SNX18: variants seen among roughly 807,000 people sequenced by gnomAD.
SNX18 encodes sorting nexin 18.
SNX18 carries 35 observed loss-of-function variants against 48.7 expected under a neutral mutation model. That is an observed-to-expected ratio of 0.72 (90% CI 0.55 to 0.95). The LOEUF (loss-of-function observed/expected upper bound fraction) is 0.95. Among genes scored for constraint, SNX18 ranks in the 40% least tolerant of loss-of-function variants. SNX18 has a pLI of 0.00. For missense variants in SNX18, 824 were observed against 871.0 expected (o/e 0.95, Z 0.68); for synonymous variants, 492 against 384.7 (o/e 1.28, Z -3.26).
At chr5:54,550,629 G>C (rs1319365611), downstream of SNX18, among the ~76,000 whole-genome samples, 1 of 152,168 alleles carries the variant, frequency 6.6e-6, no homozygotes, top group Non-Finnish European at 1.5e-5. Flanking sequence ...TGTCGCCCAG[G>C]CTGGAGTGCA....
chr5:54,589,162 G>A, the SNX18 span, among the ~76,000 whole-genome samples: 10,469 of 152,066 alleles, frequency 0.069, 461 homozygotes, highest in Middle Eastern at 0.13. Context: ...CCTGCCCTGC[G>A]GTCACCTTCT....
At chr5:54,637,470 T>C in the SNX18 span, among the ~76,000 whole-genome samples, 1 of 152,074 alleles carries the variant, frequency 6.6e-6, no homozygotes, top group South Asian at 2.1e-4. Flanking sequence ...TAATATAGAT[T>C]TTGCCAGCTG....
At chr5:54,578,306 G>T in the SNX18 span, among the ~76,000 whole-genome samples, 3,433 of 152,284 alleles carry the variant, frequency 0.023, 57 homozygotes, top group Non-Finnish European at 0.034. Flanking sequence ...CTAAACAAAG[G>T]CATTCTCCCT....
At chr5:54,575,492 C>T in the SNX18 span, among the ~76,000 whole-genome samples, 1 of 151,308 alleles carries the variant, frequency 6.6e-6, no homozygotes, top group Non-Finnish European at 1.5e-5. Flanking sequence ...CTGCCTCAGC[C>T]TCCCGAGTAG....
chr5:54,557,581 G>C, the SNX18 span, among the ~76,000 whole-genome samples: 4 of 152,292 alleles, frequency 2.6e-5, no homozygotes, highest in African/African-American at 7.2e-5. Flanking sequence ...CAAATTCATA[G>C]AGACAGAAAA....
the SNX18 span, among the ~76,000 whole-genome samples, chr5:54,586,237 T>C: frequency 3.9e-5 from 6 of 152,308 alleles, no homozygotes; most frequent in African/African-American, 7.2e-5. Flanking sequence ...ACTCTGGAAA[T>C]GGCCCAATTT....
chr5:54,582,893 G>A, the SNX18 span, among the ~76,000 whole-genome samples: 1 of 152,210 alleles, frequency 6.6e-6, no homozygotes, highest in African/African-American at 2.4e-5. Context: ...GAGAAGGTTA[G>A]TAAGTGTGTT....
chr5:54,613,202 A>G, the SNX18 span, among the ~76,000 whole-genome samples: 24 of 152,330 alleles, frequency 1.6e-4, no homozygotes, highest in South Asian at 4.4e-3. Flanking sequence ...AACTCTGCCT[A>G]TAGGGATTAT....
intron 1 of SNX18, among the ~76,000 whole-genome samples, chr5:54,539,152 T>G (rs1017433479): frequency 5.9e-5 from 9 of 152,068 alleles, no homozygotes; most frequent in Non-Finnish European, 1.0e-4. Flanking sequence ...GCCTCCTGAG[T>G]AGCTGGGAGT....
the SNX18 span, among the ~76,000 whole-genome samples, chr5:54,601,644 TG>T: frequency 6.6e-6 from 1 of 151,990 alleles, no homozygotes; most frequent in Non-Finnish European, 1.5e-5. Flanking sequence ...CACAGGAAAG[TG>T]GGGGGAGGAG....
chr5:54,568,564 T>A, the SNX18 span, among the ~76,000 whole-genome samples: 1 of 152,170 alleles, frequency 6.6e-6, no homozygotes, highest in Non-Finnish European at 1.5e-5. Flanking sequence ...GGGTGGTTGT[T>A]CGAGCTCTGG....
At chr5:54,618,946 G>GA in the SNX18 span, among the ~76,000 whole-genome samples, 24,030 of 150,004 alleles carry the variant, frequency 0.16, 2,349 homozygotes, top group South Asian at 0.22. Flanking sequence ...CTGAAAAGTA[G>GA]AAAAAAAAAG....
chr5:54,605,236 A>T, the SNX18 span, among the ~76,000 whole-genome samples: 1 of 152,236 alleles, frequency 6.6e-6, no homozygotes, highest in East Asian at 1.9e-4. Flanking sequence ...GTTTTGGGCA[A>T]TTTTAGATGG....
At chr5:54,629,318 C>T in the SNX18 span, among the ~76,000 whole-genome samples, 3 of 152,164 alleles carry the variant, frequency 2.0e-5, no homozygotes, top group Non-Finnish European at 4.4e-5. Flanking sequence ...CCACCATTTA[C>T]ATATGTTAGT....
chr5:54,611,304 G>A, the SNX18 span, among the ~76,000 whole-genome samples: 33 of 152,008 alleles, frequency 2.2e-4, no homozygotes, highest in East Asian at 1.5e-3. Context: ...GGCCTCACCC[G>A]CCCCAGTAGG....
At chr5:54,522,837 A>G (rs1762056290) in intron 1 of SNX18, among the ~76,000 whole-genome samples, 1 of 152,326 alleles carries the variant, frequency 6.6e-6, no homozygotes, top group Middle Eastern at 3.4e-3. Context: ...CTTTAAACTA[A>G]TAATGGTTTT....
At chr5:54,621,914 C>A in the SNX18 span, among the ~76,000 whole-genome samples, 3 of 152,146 alleles carry the variant, frequency 2.0e-5, no homozygotes, top group Non-Finnish European at 4.4e-5. Flanking sequence ...ATACCTTCCT[C>A]CCATTTCAAT....
At position 54,521,216 on chromosome 5, in the gene SNX18, A is replaced by G. The variant is rs545803558; in HGVS notation, c.1621+1643A>G. Among the ~76,000 whole-genome samples, 7 of 152,356 alleles carry G rather than the reference A, an allele frequency of 4.6e-5. No homozygotes were observed. In the South Asian group the frequency reaches 1.4e-3, roughly 32 times the overall value. On this transcript the variant is annotated intron_variant, in intron 1 of 1. Transcript: ENST00000381410. ...AACAGTTGAAAGGATGGAACCAAGT[A>G]CAGACACTTGGACATGTGTGCTGGG...
the SNX18 span, among the ~76,000 whole-genome samples, chr5:54,647,693 A>G: frequency 0.19 from 28,445 of 152,076 alleles, 3,382 homozygotes; most frequent in East Asian, 0.6. Flanking sequence ...AATGAGTGAT[A>G]TTTACTTGTC....
Sources: allele counts gnomAD v4.1 joint callset (sites outside exome capture counted in the v4.1 genomes callset), GRCh38; gene constraint gnomAD v4.1.1; transcripts MANE v1.5; gene names NCBI Gene and HGNC (gene_info 2026-07-23, HGNC 2026-07-21).